MGAT4C: variants seen among roughly 807,000 people sequenced by gnomAD.
The protein encoded by MGAT4C is MGAT4 family member C.
A neutral mutation model predicts 40.1 loss-of-function variants in MGAT4C; 19 were observed. That is an observed-to-expected ratio of 0.47 (90% CI 0.33 to 0.70). The LOEUF is 0.70. Among genes scored for constraint, MGAT4C ranks in the 30% least tolerant of loss-of-function variants. MGAT4C has a pLI of 0.02. For missense variants in MGAT4C, 491 were observed against 563.2 expected, an observed-to-expected ratio of 0.87 and a Z score of 1.30; for synonymous variants, 181 against 187.1, an observed-to-expected ratio of 0.97 and a Z score of 0.27.
intron 4 of MGAT4C, among the ~76,000 whole-genome samples, chr12:86,329,926 T>A (rs1432137854): frequency 2.0e-5 from 3 of 152,214 alleles, no homozygotes; most frequent in Non-Finnish European, 4.4e-5. Context: ...CTTTTAATAA[T>A]CATAGGTGTT....
At chr12:86,767,351 C>A (rs1270338622) in intron 1 of MGAT4C, among the ~76,000 whole-genome samples, 1 of 152,164 alleles carries the variant, frequency 6.6e-6, no homozygotes, top group Non-Finnish European at 1.5e-5. Flanking sequence ...AAAACAGGCT[C>A]TGAAATTGTG....
chr12:86,267,329 C>A (rs1027365608), intron 4 of MGAT4C, among the ~76,000 whole-genome samples: 5 of 151,946 alleles, frequency 3.3e-5, no homozygotes, highest in Admixed American at 6.6e-5. Context: ...CTAGACGGGA[C>A]CTACAAGCAA....
At chr12:86,369,240 A>G (rs1329766128) in intron 3 of MGAT4C, among the ~76,000 whole-genome samples, 1 of 151,654 alleles carries the variant, frequency 6.6e-6, no homozygotes, top group East Asian at 1.9e-4. Flanking sequence ...CAGCCTATAT[A>G]TTTACTTAAA....
At chr12:86,035,257 C>G (rs61931116) in intron 2 of MGAT4C, among the ~76,000 whole-genome samples, 32,446 of 149,598 alleles carry the variant, frequency 0.22, 6,141 homozygotes, top group Non-Finnish European at 0.31. Flanking sequence ...TTTTAATGAT[C>G]ACCATTCTTA....
At chr12:86,442,737 T>A (rs1957255297) in intron 2 of MGAT4C, among the ~76,000 whole-genome samples, 1 of 150,100 alleles carries the variant, frequency 6.7e-6, no homozygotes, top group Non-Finnish European at 1.5e-5. Context: ...AACTGGTCAG[T>A]GTTGACTGGT....
At chr12:86,519,068 A>T (rs1370047314) in intron 2 of MGAT4C, among the ~76,000 whole-genome samples, 3 of 152,214 alleles carry the variant, frequency 2.0e-5, no homozygotes, top group Non-Finnish European at 2.9e-5. Context: ...GTCTGAAAAG[A>T]AATACAAGGA....
At chr12:86,606,727 AC>A (rs1289895649) in intron 2 of MGAT4C, among the ~76,000 whole-genome samples, 1 of 152,136 alleles carries the variant, frequency 6.6e-6, no homozygotes, top group African/African-American at 2.4e-5. Flanking sequence ...AAAGCAAACA[AC>A]TACCAAGATT....
chr12:86,576,960 A>C (rs1431783510), intron 2 of MGAT4C, among the ~76,000 whole-genome samples: 2 of 151,872 alleles, frequency 1.3e-5, no homozygotes, highest in South Asian at 2.1e-4. Flanking sequence ...ATGCAAATGG[A>C]ATATTTTTCT....
intron 1 of MGAT4C, among the ~76,000 whole-genome samples, chr12:86,247,760 T>C (rs928250437): frequency 6.6e-6 from 1 of 152,168 alleles, no homozygotes; most frequent in Admixed American, 6.5e-5. Flanking sequence ...AAAGTAAATG[T>C]TGCTGGAACA....
At position 86,681,625 on chromosome 12, in the gene MGAT4C, C is replaced by T. The variant is rs17014113; in HGVS notation, c.-229+45584G>A. Among the ~76,000 whole-genome samples the T allele has an allele frequency of 9.9e-3, 1,497 of 151,858 alleles. 22 individuals are homozygous for T. The highest frequency in any genetic ancestry group is 0.035 in the African/African-American group (1,434 of 41,474). The stretch of plus-strand genomic sequence containing the variant: ...TCAATCTTCTAAAGAAATCTATATC[C>T]TAATGATACAAGCAAAGAAATTAGC... On this transcript the variant is annotated intron_variant, in intron 2 of 7. Transcript: ENST00000548651.
intron 1 of MGAT4C, among the ~76,000 whole-genome samples, chr12:86,054,135 T>C (rs1006721556): frequency 9.9e-5 from 15 of 152,064 alleles, no homozygotes; most frequent in African/African-American, 3.1e-4. Flanking sequence ...AAGAGATACC[T>C]GCACTCCCAT....
intron 2 of MGAT4C, among the ~76,000 whole-genome samples, chr12:86,566,037 A>G (rs1434149908): frequency 6.6e-6 from 1 of 152,162 alleles, no homozygotes; most frequent in Admixed American, 6.5e-5. Flanking sequence ...TCAGCCAGCT[A>G]CTTGGCGACA....
At chr12:86,330,937 G>C (rs1954651102) in intron 4 of MGAT4C, among the ~76,000 whole-genome samples, 1 of 152,108 alleles carries the variant, frequency 6.6e-6, no homozygotes, top group South Asian at 2.1e-4. Flanking sequence ...CTATCATATA[G>C]CAATTATTAT....
In MGAT4C at chr12:86,154,514, C is replaced by T. The variant is rs1884672961; in HGVS notation, c.-57+101725G>A. ...CTATGCTTCTGTTGTCCCTCACTGC[C>T]TATCTGTAAAAAATAAACTTGCTTC... is the stretch of plus-strand genomic sequence containing the variant. On this transcript the variant is annotated intron_variant, in intron 1 of 4. Coordinates refer to ENST00000611864, the MANE Select transcript of MGAT4C (RefSeq NM_001351288.2). Among the ~76,000 whole-genome samples the T allele has an allele frequency of 2.0e-5, 3 of 152,090 alleles. No homozygotes were observed. In the South Asian group the frequency reaches 6.2e-4, roughly 32 times the overall value.
At chr12:86,652,891 T>G (rs1320947154) in intron 2 of MGAT4C, among the ~76,000 whole-genome samples, 1 of 151,944 alleles carries the variant, frequency 6.6e-6, no homozygotes, top group African/African-American at 2.4e-5. Context: ...ATGGGCATTA[T>G]TTTATAATAA....
intron 2 of MGAT4C, among the ~76,000 whole-genome samples, chr12:86,617,901 G>A (rs1230414767): frequency 1.3e-5 from 2 of 151,920 alleles, no homozygotes; most frequent in Non-Finnish European, 2.9e-5. Flanking sequence ...GAGAAAACGT[G>A]GTGAATGAAA....
intron 1 of MGAT4C, among the ~76,000 whole-genome samples, chr12:86,117,014 A>G (rs759192020): frequency 2.1e-4 from 32 of 152,226 alleles, no homozygotes; most frequent in East Asian, 3.9e-4. Context: ...TAAATTATTT[A>G]TTGAGGGTTC....
chr12:86,565,549 A>G (rs1287962370), intron 2 of MGAT4C, among the ~76,000 whole-genome samples: 1 of 152,198 alleles, frequency 6.6e-6, no homozygotes, highest in African/African-American at 2.4e-5. Context: ...TGCACTTTGC[A>G]TGGATGGAGA....
chr12:86,453,250 AAAT>A (rs1185777890), intron 2 of MGAT4C, among the ~76,000 whole-genome samples: 1 of 152,146 alleles, frequency 6.6e-6, no homozygotes, highest in Non-Finnish European at 1.5e-5. Context: ...GTTCATTAAT[AAAT>A]AATAACTACC....
Sources: gnomAD v4.1 joint callset for allele counts (sites outside exome capture counted in the v4.1 genomes callset) on GRCh38, gnomAD v4.1.1 for gene constraint, MANE v1.5 for transcripts, NCBI Gene and HGNC (gene_info 2026-07-23, HGNC 2026-07-21) for gene names.